SDK1: variants seen among roughly 807,000 people sequenced by gnomAD.
The protein encoded by SDK1 is sidekick cell adhesion molecule 1.
A neutral mutation model predicts 245.5 loss-of-function variants in SDK1; 157 were observed. The ratio of observed to expected loss-of-function variants is 0.64; its 90% CI spans 0.56 to 0.73. The LOEUF (loss-of-function observed/expected upper bound fraction) is 0.73, where lower values mean the gene tolerates loss of function less well. Among genes scored for constraint, SDK1 ranks in the 30% least tolerant of loss-of-function variants. The pLI is 0.00. For missense variants in SDK1, 3,583 were observed against 3,002.3 expected (o/e 1.19, Z -4.52); for synonymous variants, 1,647 against 1,278.5 (o/e 1.29, Z -6.15).
intron 1 of SDK1, among the ~76,000 whole-genome samples, chr7:3,340,006 G>C (rs988588566): frequency 6.6e-6 from 1 of 152,040 alleles, no homozygotes; most frequent in Non-Finnish European, 1.5e-5. Flanking sequence ...ATGAAATAGA[G>C]GATATCACTA....
chr7:3,593,033 G>A (rs189581697), intron 1 of SDK1, among the ~76,000 whole-genome samples: 1 of 152,180 alleles, frequency 6.6e-6, no homozygotes, highest in Non-Finnish European at 1.5e-5. Context: ...AACGAGTGTT[G>A]CAAGTGGAAA....
At chr7:3,433,119 T>G (rs1188354457) in intron 1 of SDK1, among the ~76,000 whole-genome samples, 2 of 152,350 alleles carry the variant, frequency 1.3e-5, no homozygotes, top group African/African-American at 4.8e-5. Context: ...ATAATTCAAG[T>G]TGACCAGTGG....
intron 1 of SDK1, among the ~76,000 whole-genome samples, chr7:3,602,600 C>T (rs1683246270): frequency 6.6e-6 from 1 of 151,710 alleles, no homozygotes; most frequent in Non-Finnish European, 1.5e-5. Context: ...GAGTAGGTTG[C>T]AAAAATTTTC....
At chr7:3,922,302 T>A in intron 5 of SDK1, among the ~76,000 whole-genome samples, 1 of 152,166 alleles carries the variant, frequency 6.6e-6, no homozygotes, top group African/African-American at 2.4e-5. Flanking sequence ...TGGAGCCCAC[T>A]TACCCCAGCT....
intron 5 of SDK1, among the ~76,000 whole-genome samples, chr7:3,833,974 C>G (rs548893269): frequency 2.6e-5 from 4 of 152,306 alleles, no homozygotes; most frequent in African/African-American, 9.6e-5. Flanking sequence ...AGTGACCCTG[C>G]CATGTTACTA....
At chr7:3,361,600 T>C (rs1046570227) in intron 1 of SDK1, among the ~76,000 whole-genome samples, 6 of 152,224 alleles carry the variant, frequency 3.9e-5, no homozygotes, top group African/African-American at 1.4e-4. Flanking sequence ...TTTTTAATTG[T>C]TTCTAAATCT....
rs142663150 is a variant in SDK1, at chr7:3,690,537, A to T, written c.713+48432A>T. 5.1e-4 allele frequency among the ~76,000 whole-genome samples: 77 copies of T among 152,258 alleles called. 1 individual carries two copies. The highest frequency in any genetic ancestry group is 1.7e-3 in the African/African-American group (70 of 41,554). The stretch of plus-strand genomic sequence containing the variant: ...CTTGTACCTTTTGCTGGCATTTAGG[A>T]TAAAGAGAAACCCAATAAATCTTGC... On this transcript the variant is annotated intron_variant, in intron 4 of 44. Transcript: ENST00000404826.
chr7:4,187,305 C>G (rs542696630), intron 35 of SDK1, among the ~76,000 whole-genome samples: 4 of 152,316 alleles, frequency 2.6e-5, no homozygotes, highest in African/African-American at 9.6e-5. Context: ...ATGGGTCCAG[C>G]ACCTTGCTAT....
At chr7:3,948,905 G>C (rs1780684839) in intron 5 of SDK1, among the ~76,000 whole-genome samples, 2 of 152,220 alleles carry the variant, frequency 1.3e-5, no homozygotes, top group South Asian at 4.1e-4. Flanking sequence ...TTCAGCATTA[G>C]CCACTGCCTC....
intron 1 of SDK1, among the ~76,000 whole-genome samples, chr7:3,493,114 C>G (rs1021040614): frequency 6.6e-6 from 1 of 152,022 alleles, no homozygotes; most frequent in African/African-American, 2.4e-5. Flanking sequence ...CCAAGCCTGG[C>G]TAATTTTTTT....
chr7:3,495,383 G>C (rs998251593), intron 1 of SDK1, among the ~76,000 whole-genome samples: 6 of 148,516 alleles, frequency 4.0e-5, no homozygotes, highest in South Asian at 2.1e-4. Flanking sequence ...TCAGCCTCCT[G>C]AGTAGCTGGG....
intron 1 of SDK1, among the ~76,000 whole-genome samples, chr7:3,334,599 C>T (rs77241124): frequency 0.016 from 2,378 of 152,156 alleles, 56 homozygotes; most frequent in African/African-American, 0.048. Flanking sequence ...ACGACAGCCT[C>T]GCCCAGCACA....
chr7:3,888,530 G>A (rs1781387593), intron 5 of SDK1, among the ~76,000 whole-genome samples: 1 of 152,222 alleles, frequency 6.6e-6, no homozygotes, highest in Admixed American at 6.5e-5. Flanking sequence ...GACTGCTGCT[G>A]TATTTGTTGT....
chr7:3,434,333 G>A (rs982570513), intron 1 of SDK1, among the ~76,000 whole-genome samples: 1 of 152,022 alleles, frequency 6.6e-6, no homozygotes, highest in African/African-American at 2.4e-5. Flanking sequence ...CACCTTGTTC[G>A]CCTTGGTTTT....
intron 4 of SDK1, among the ~76,000 whole-genome samples, chr7:3,788,896 C>G (rs924115309): frequency 1.1e-4 from 16 of 152,218 alleles, no homozygotes; most frequent in Non-Finnish European, 2.4e-4. Flanking sequence ...CTGCTCAGTC[C>G]TGAGAAGAAG....
intron 1 of SDK1, among the ~76,000 whole-genome samples, chr7:3,386,089 G>C (rs1012765485): frequency 1.3e-5 from 2 of 151,982 alleles, no homozygotes; most frequent in Non-Finnish European, 1.5e-5. Flanking sequence ...GGATTGAGTA[G>C]GTAGACATAG....
intron 42 of SDK1, among the ~76,000 whole-genome samples, chr7:4,241,270 T>A (rs1369713150): frequency 6.6e-6 from 1 of 152,202 alleles, no homozygotes; most frequent in East Asian, 1.9e-4. Context: ...TTACTTCCTG[T>A]TTTGTTAAAT....
At chr7:4,019,797 T>G (rs1472782666) in intron 17 of SDK1, among the ~76,000 whole-genome samples, 1 of 152,062 alleles carries the variant, frequency 6.6e-6, no homozygotes, top group Non-Finnish European at 1.5e-5. Flanking sequence ...ATTCCTGTCT[T>G]CGTGTCTTCT....
At chr7:3,531,763 A>C (rs752460249) in intron 1 of SDK1, among the ~76,000 whole-genome samples, 1 of 152,238 alleles carries the variant, frequency 6.6e-6, no homozygotes, top group African/African-American at 2.4e-5. Context: ...ATTTTGGGTT[A>C]CTATTTATGA....
Sources: allele counts gnomAD v4.1 joint callset (sites outside exome capture counted in the v4.1 genomes callset), GRCh38; gene constraint gnomAD v4.1.1; transcripts MANE v1.5; gene names NCBI Gene and HGNC (gene_info 2026-07-23, HGNC 2026-07-21).